Variants in EPC1 observed in about 807,000 individuals in gnomAD.
EPC1 encodes enhancer of polycomb 1.
EPC1 carries 12 observed loss-of-function variants against 98.4 expected under a neutral mutation model. The ratio of observed to expected loss-of-function variants is 0.12; its 90% CI spans 0.08 to 0.20. The LOEUF is 0.20. Ranked by LOEUF, EPC1 falls within the 10% of genes least tolerant of loss-of-function variation. EPC1 has a pLI of 1.00. For missense variants in EPC1, 729 were observed against 990.5 expected, an observed-to-expected ratio of 0.74 and a Z score of 3.54; for synonymous variants, 357 against 363.9, an observed-to-expected ratio of 0.98 and a Z score of 0.21.
intron 1 of EPC1, among the ~76,000 whole-genome samples, chr10:32,313,872 C>T (rs1056316042): frequency 6.6e-6 from 1 of 151,290 alleles, no homozygotes; most frequent in Non-Finnish European, 1.5e-5. Context: ...GGCGACACAG[C>T]GAGACTCTGT....
chr10:32,346,628 G>C, intron 1 of EPC1, 135 bp downstream of exon 1: 1 of 910,708 alleles, frequency 1.1e-6, no homozygotes. Flanking sequence ...CGGGGTATAG[G>C]CCCGGCCGGC....
chr10:32,337,280 C>T (rs1489370415), intron 1 of EPC1, among the ~76,000 whole-genome samples: 1 of 152,194 alleles, frequency 6.6e-6, no homozygotes, highest in Non-Finnish European at 1.5e-5. Flanking sequence ...GTATTGAGGC[C>T]TTTCCATTCT....
chr10:32,303,700 A>T (rs1000236716), intron 2 of EPC1, among the ~76,000 whole-genome samples: 4 of 152,230 alleles, frequency 2.6e-5, no homozygotes, highest in African/African-American at 4.8e-5. Context: ...GTGATGGTGC[A>T]GGTGAGTGTC....
intron 1 of EPC1, among the ~76,000 whole-genome samples, chr10:32,329,836 G>A (rs1300068055): frequency 1.3e-5 from 2 of 152,182 alleles, no homozygotes; most frequent in African/African-American, 4.8e-5. Flanking sequence ...ATTTACAGCA[G>A]TAATTGCCAT....
intron 5 of EPC1, 194 bp from the exon 6 acceptor site, chr10:32,291,516 A>C (rs1462707303): frequency 2.2e-6 from 1 of 458,998 alleles, no homozygotes; most frequent in Non-Finnish European, 3.8e-6. Flanking sequence ...TCAAGTATAT[A>C]ATACATTGTT....
intron 13 of EPC1, 184 bp from the exon 14 acceptor site, chr10:32,269,319 C>T: frequency 2.0e-6 from 1 of 511,144 alleles, no homozygotes; most frequent in Non-Finnish European, 3.5e-6. Context: ...CTAATGTTGA[C>T]TATAAATAAA....
chr10:32,356,219 A>G (rs957066074), intron 1 of EPC1, among the ~76,000 whole-genome samples: 4 of 152,198 alleles, frequency 2.6e-5, no homozygotes, highest in Non-Finnish European at 4.4e-5. Flanking sequence ...CAGAATTATC[A>G]TCTAATAAAT....
chr10:32,286,494 C>T, intron 9 of EPC1, 200 bp downstream of exon 9: 1 of 588,666 alleles, frequency 1.7e-6, no homozygotes, highest in Non-Finnish European at 2.9e-6. Context: ...CCACTAGGGA[C>T]CCAATAGAGT....
At chr10:32,317,291 G>T (rs1047050211) in intron 1 of EPC1, among the ~76,000 whole-genome samples, 1 of 152,094 alleles carries the variant, frequency 6.6e-6, no homozygotes, top group Admixed American at 6.6e-5. Context: ...AATTATACCA[G>T]TTATTTAAGG....
chr10:32,305,404 C>G (rs561590577), intron 2 of EPC1, among the ~76,000 whole-genome samples: 1 of 152,254 alleles, frequency 6.6e-6, no homozygotes, highest in South Asian at 2.1e-4. Context: ...TGACCCTGTA[C>G]AGAAAAAGTC....
In EPC1 at chr10:32,284,843, T is replaced by C; in HGVS notation, c.1599A>G (p.Thr533=). ...SCRWRHFRPR[T]PSLHDSDNDE... ...CATTGTCACTGTCATGTAGGGATGG[T>C]GTCCGAGGCCTAAAATGCCGCCATC... is the stretch of plus-strand genomic sequence containing the variant. The change falls in exon 10 of 14, where the codon ACA becomes ACG. Residue 533 remains threonine, a synonymous_variant. Transcript: ENST00000319778. The C allele has an allele frequency of 6.2e-7, 1 of 1,614,240 alleles. No individual in the cohort carries two copies. Among genetic ancestry groups the C allele is most frequent in the Non-Finnish European group, 8.5e-7 (1 of 1,180,042 alleles).
chr10:32,339,690 GAAC>G (rs749756883), intron 1 of EPC1, among the ~76,000 whole-genome samples: 5 of 152,106 alleles, frequency 3.3e-5, no homozygotes, highest in Non-Finnish European at 5.9e-5. Flanking sequence ...TATCTTCTGA[GAAC>G]AAAAAGCAAG....
At chr10:32,359,891 G>A (rs999214908) in intron 1 of EPC1, among the ~76,000 whole-genome samples, 3 of 152,062 alleles carry the variant, frequency 2.0e-5, no homozygotes, top group Admixed American at 2.0e-4. Flanking sequence ...TGTATCATTA[G>A]TAGTTTTGTA....
At chr10:32,320,378 C>T (rs906971968) in intron 1 of EPC1, among the ~76,000 whole-genome samples, 4 of 152,092 alleles carry the variant, frequency 2.6e-5, no homozygotes, top group Non-Finnish European at 5.9e-5. Context: ...AAACTAGTTT[C>T]AGAATACTGT....
intron 2 of EPC1, among the ~76,000 whole-genome samples, chr10:32,296,186 C>T (rs993858227): frequency 2.0e-5 from 3 of 152,110 alleles, no homozygotes; most frequent in Non-Finnish European, 2.9e-5. Context: ...CCACCCGCCC[C>T]GGCCTCCCGA....
intron 1 of EPC1, among the ~76,000 whole-genome samples, chr10:32,377,938 A>T (rs79413325): frequency 6.8e-4 from 103 of 152,316 alleles, no homozygotes; most frequent in African/African-American, 2.4e-3. Flanking sequence ...ATAGACTACA[A>T]GTTGAGATCT....
chr10:32,332,745 T>C lies in EPC1; in HGVS notation c.153+14018A>G, dbSNP rs539796182. Among the ~76,000 whole-genome samples the C allele has an allele frequency of 9.1e-4, 138 of 152,366 alleles. 1 individual carries two copies. The highest frequency in any genetic ancestry group is 3.2e-3 in the African/African-American group (135 of 41,584). Reference sequence around the variant, plus strand: ...AAACTGTAAGATTACAAATGTTTGTTGTTTTAAACTGCTACATTTAGGGTA... The same window carrying C: ...AAACTGTAAGATTACAAATGTTTGTCGTTTTAAACTGCTACATTTAGGGTA... On this transcript the variant is annotated intron_variant, in intron 1 of 13. Coordinates refer to ENST00000319778, the MANE Select transcript of EPC1 (RefSeq NM_001272004.3).
At position 32,347,099 on chromosome 10, in the gene EPC1, C is replaced by T. The variant is rs912179951; in HGVS notation, c.-184G>A. On this transcript the variant is annotated 5_prime_UTR_variant, in exon 1 of 14. Coordinates refer to ENST00000319778, the MANE Select transcript of EPC1 (RefSeq NM_001272004.3). ...TGGGAGGCTGTGCCGCTCCGCTCCTCTCTCGCTCGCTCTCTTCAATACGCC... is the reference window on the plus strand; with the variant it reads ...TGGGAGGCTGTGCCGCTCCGCTCCTTTCTCGCTCGCTCTCTTCAATACGCC... 6.2e-6 allele frequency: 9 copies of T among 1,440,814 alleles called. No homozygotes were observed. The highest frequency in any genetic ancestry group is 2.5e-5 in the East Asian group (1 of 40,122). The allele number at this position is 1,440,814 out of a possible 1,614,324, so 89.3% of individuals were successfully genotyped here.
intron 1 of EPC1, among the ~76,000 whole-genome samples, chr10:32,358,066 G>T (rs897527491): frequency 5.3e-5 from 8 of 151,822 alleles, no homozygotes; most frequent in Non-Finnish European, 1.0e-4. Context: ...TGTTGGCCAG[G>T]CTAGTCTCGA....
Sources: allele counts gnomAD v4.1 joint callset (sites outside exome capture counted in the v4.1 genomes callset), GRCh38; gene constraint gnomAD v4.1.1; transcripts MANE v1.5; gene names NCBI Gene and HGNC (gene_info 2026-07-23, HGNC 2026-07-21).